CUBN: variants seen among roughly 807,000 people sequenced by gnomAD.
CUBN encodes the protein cubilin, also known as 460 kDa receptor.
A neutral mutation model predicts 405.3 loss-of-function variants in CUBN; 282 were observed. The observed-to-expected ratio is 0.70, with a 90% CI of 0.63 to 0.77. The LOEUF is 0.77. CUBN is among the 30% of genes least tolerant of loss of function. The pLI is 0.00. For synonymous variants in CUBN, 1,684 were observed against 1,617.0 expected, an observed-to-expected ratio of 1.04 and a Z score of -0.99; for missense variants, 4,514 against 4,475.2, an observed-to-expected ratio of 1.01 and a Z score of -0.25.
intron 16 of CUBN, among the ~76,000 whole-genome samples, chr10:17,085,087 A>C (rs1170037083): frequency 1.3e-5 from 2 of 152,220 alleles, no homozygotes; most frequent in Non-Finnish European, 2.9e-5. Flanking sequence ...TCCAAATCAT[A>C]GAGTATTTCC....
chr10:16,909,041 C>A (rs1841645010), intron 48 of CUBN, among the ~76,000 whole-genome samples: 1 of 151,468 alleles, frequency 6.6e-6, no homozygotes, highest in South Asian at 2.1e-4. Flanking sequence ...CGCCACCGCG[C>A]CCGGCTAATT....
chr10:16,873,786 T>C (rs966865010), intron 58 of CUBN, among the ~76,000 whole-genome samples: 2 of 150,440 alleles, frequency 1.3e-5, no homozygotes, highest in Admixed American at 6.6e-5. Context: ...TTGGGAAACA[T>C]TGAGGATGTG....
chr10:17,075,073 C>CTTTTCTTTTTTTTTT (rs1564505109), intron 17 of CUBN, among the ~76,000 whole-genome samples: 2 of 65,328 alleles, frequency 3.1e-5, no homozygotes, highest in Non-Finnish European at 5.8e-5. Context: ...TCTTTGTTTT[C>CTTTTCTTTTTTTTTT]TTTTTTTTTT....
chr10:17,068,424 T>C (rs1835661694), intron 20 of CUBN, 144 bp from the exon 21 acceptor site: 1 of 961,816 alleles, frequency 1.0e-6, no homozygotes, highest in Non-Finnish European at 1.6e-6. Flanking sequence ...ATTTTTCTCT[T>C]ATTAATAAGT....
intron 31 of CUBN, among the ~76,000 whole-genome samples, chr10:16,956,131 C>T (rs1027215875): frequency 2.6e-5 from 4 of 152,088 alleles, no homozygotes; most frequent in African/African-American, 7.2e-5. Flanking sequence ...TATGATTCTG[C>T]ATGTTCTCTT....
intron 47 of CUBN, among the ~76,000 whole-genome samples, chr10:16,914,794 G>C (rs540663995): frequency 1.6e-4 from 24 of 152,100 alleles, no homozygotes; most frequent in African/African-American, 5.6e-4. Flanking sequence ...CTCTTAAGGT[G>C]GGCATTACAG....
chr10:17,114,788 A>T (rs1314385855), intron 7 of CUBN, among the ~76,000 whole-genome samples: 4 of 152,190 alleles, frequency 2.6e-5, no homozygotes, highest in Non-Finnish European at 4.4e-5. Flanking sequence ...AGTCTGCAGC[A>T]GTTCCAGAGA....
At chr10:16,855,701 A>G (rs573036943) in intron 59 of CUBN, among the ~76,000 whole-genome samples, 9 of 152,232 alleles carry the variant, frequency 5.9e-5, no homozygotes, top group Admixed American at 2.0e-4. Context: ...CACAACTAAT[A>G]TTAATAGCTT....
chr10:16,874,276 T>G (rs1840440219), intron 58 of CUBN, 98 bp downstream of exon 58: 2 of 1,267,220 alleles, frequency 1.6e-6, no homozygotes, highest in East Asian at 4.7e-5. Context: ...CCCTCCAGAC[T>G]GCCGATGAGA....
chr10:16,936,863 C>T (rs570782746), intron 39 of CUBN, among the ~76,000 whole-genome samples: 32 of 152,176 alleles, frequency 2.1e-4, no homozygotes, highest in African/African-American at 6.5e-4. Flanking sequence ...GCTACAGACG[C>T]GCTCCACCAC....
rs142446396 is a variant in CUBN at position 16,840,953 on chromosome 10, G to A, written c.9758C>T (p.Thr3253Met). 41 of 1,613,666 alleles carry A rather than the reference G, an allele frequency of 2.5e-5. 1 individual carries two copies. The East Asian group carries it at 2.9e-4, about 11-fold the overall frequency. The change falls in exon 61 of 67, where the codon ACG becomes ATG. Residue 3253 changes from threonine to methionine, a missense_variant. This residue lies in a region of CUBN where 1,186 missense variants were observed against 1,186.9 expected (regional missense o/e 1.00). Coordinates refer to ENST00000377833, the MANE Select transcript of CUBN (RefSeq NM_001081.4). Reference sequence around the variant, plus strand: ...TGTTAAGTCACTGATGAATTGAACCGTAAGGAAGTTACCAGAAGAGATAAA... The same window carrying A: ...TGTTAAGTCACTGATGAATTGAACCATAAGGAAGTTACCAGAAGAGATAAA... ...APFISSGNFL[T>M]VQFISDLTLE...
intron 33 of CUBN, among the ~76,000 whole-genome samples, chr10:16,950,743 C>T (rs1363363567): frequency 6.6e-6 from 1 of 152,162 alleles, no homozygotes; most frequent in African/African-American, 2.4e-5. Flanking sequence ...AAGAGGACTC[C>T]TGGGTAGGTT....
In CUBN at chr10:16,851,345, A is replaced by AC; in HGVS notation, c.9552_9553insG (p.Cys3185ValfsTer28). The AC allele has an allele frequency of 6.2e-7, 1 of 1,614,132 alleles. No homozygotes were observed. Among genetic ancestry groups the AC allele is most frequent in the South Asian group, 1.1e-5 (1 of 91,082 alleles). On this transcript the variant is annotated frameshift_variant, in exon 60 of 67. Coordinates refer to ENST00000377833, the MANE Select transcript of CUBN (RefSeq NM_001081.4). LOFTEE classifies it high-confidence loss of function. ...ACAGGTGCAATTATGATCCATACACAGTTTAAATTCTTGTCATACATTCCA... is the reference window on the plus strand; with the variant it reads ...ACAGGTGCAATTATGATCCATACACACGTTTAAATTCTTGTCATACATTCCA...
chr10:17,112,945 A>G (rs1564520228), intron 8 of CUBN, among the ~76,000 whole-genome samples: 1 of 152,178 alleles, frequency 6.6e-6, no homozygotes, highest in East Asian at 1.9e-4. Context: ...AATTGCTTAT[A>G]CAATGCCTTA....
intron 28 of CUBN, among the ~76,000 whole-genome samples, chr10:16,999,155 C>T (rs1833812567): frequency 6.6e-6 from 1 of 152,098 alleles, no homozygotes; most frequent in African/African-American, 2.4e-5. Flanking sequence ...CCTTTACATT[C>T]CTATTCAAGA....
chr10:16,833,343 T>C lies in CUBN; in HGVS notation c.10362+1671A>G, dbSNP rs528701873. The stretch of plus-strand genomic sequence containing the variant: ...TGTATTTGCCTCTTCATTTCCTCCC[T>C]GCTATATACATCTTTCGGTCTCCTG... On this transcript the variant is annotated intron_variant, in intron 64 of 66. Transcript: ENST00000377833. Among the ~76,000 whole-genome samples the C allele has an allele frequency of 5.3e-5, 8 of 152,352 alleles. No homozygotes were observed. The South Asian group carries it at 1.4e-3, about 28-fold the overall frequency.
chr10:16,916,430 C>A (rs758396967), intron 45 of CUBN, among the ~76,000 whole-genome samples: 1 of 152,152 alleles, frequency 6.6e-6, no homozygotes, highest in Non-Finnish European at 1.5e-5. Context: ...TGAACCCAAG[C>A]TCAGCTGGAA....
At chr10:17,011,595 G>A (rs779633519) in intron 28 of CUBN, among the ~76,000 whole-genome samples, 3 of 152,170 alleles carry the variant, frequency 2.0e-5, no homozygotes, top group African/African-American at 7.2e-5. Context: ...AAGGGGACCC[G>A]AGCAGGTTGC....
Position 17,123,621 on chromosome 10 carries a change from A to G in CUBN, c.456T>C (p.Asp152=), listed in dbSNP as rs749130488. 3 of 1,614,038 alleles carry G rather than the reference A, an allele frequency of 1.9e-6. No homozygotes were observed. In the South Asian group the frequency reaches 3.3e-5, roughly 18 times the overall value. ...QNGGTCLNLH[D]SFFCICPPQW... The stretch of plus-strand genomic sequence containing the variant: ...GTGGGGGACAGATACAAAAAAAGGA[A>G]TCATGCAGATTGAGGCAGGTTCCAC... The change falls in exon 5 of 67, where the codon GAT becomes GAC. Residue 152 remains aspartate, a synonymous_variant. Transcript: ENST00000377833.
Sources: allele counts gnomAD v4.1 joint callset (sites outside exome capture counted in the v4.1 genomes callset), GRCh38; gene constraint gnomAD v4.1.1; regional missense constraint gnomAD v4.1.1; transcripts MANE v1.5; gene names NCBI Gene and HGNC (gene_info 2026-07-23, HGNC 2026-07-21).